Variants in PDE4D observed in about 807,000 individuals in gnomAD.
The protein encoded by PDE4D is phosphodiesterase 4D.
In PDE4D, 24 loss-of-function variants were observed where a neutral mutation model predicts 87.4. The ratio of observed to expected loss-of-function variants is 0.27; its 90% confidence interval spans 0.20 to 0.39. The LOEUF (loss-of-function observed/expected upper bound fraction) is 0.39. PDE4D is among the 10% of genes least tolerant of loss of function. The pLI is 1.00. For missense variants in PDE4D, 714 were observed against 1,041.0 expected (o/e 0.69, Z 4.32); for synonymous variants, 384 against 383.2 (o/e 1.00, Z -0.02).
intron 1 of PDE4D, among the ~76,000 whole-genome samples, chr5:59,446,726 T>C (rs374732742): frequency 5.3e-5 from 8 of 152,334 alleles, no homozygotes; most frequent in Admixed American, 4.6e-4. Flanking sequence ...ACAGGCATCA[T>C]TGAGAAAGGC....
chr5:60,376,961 C>T (rs1561184223), intron 1 of PDE4D, among the ~76,000 whole-genome samples: 1 of 152,168 alleles, frequency 6.6e-6, no homozygotes, highest in Non-Finnish European at 1.5e-5. Context: ...ATAGCAACAT[C>T]GTACGTATGC....
intron 1 of PDE4D, among the ~76,000 whole-genome samples, chr5:59,738,961 G>T (rs1006832046): frequency 1.3e-5 from 2 of 151,860 alleles, no homozygotes; most frequent in Non-Finnish European, 2.9e-5. Context: ...AAAAATAAAG[G>T]TGAACATTGA....
At chr5:59,611,457 C>T (rs974255695) in intron 1 of PDE4D, among the ~76,000 whole-genome samples, 39 of 152,236 alleles carry the variant, frequency 2.6e-4, no homozygotes, top group African/African-American at 9.4e-4. Context: ...CTCATGTTCT[C>T]TCCCCTAGCA....
At chr5:59,868,106 C>T (rs943360008) in intron 1 of PDE4D, among the ~76,000 whole-genome samples, 1 of 151,960 alleles carries the variant, frequency 6.6e-6, no homozygotes, top group Non-Finnish European at 1.5e-5. Flanking sequence ...TAAAATGGCT[C>T]GGAGAAGTGA....
intron 1 of PDE4D, among the ~76,000 whole-genome samples, chr5:59,437,607 T>C (rs914691459): frequency 6.6e-6 from 1 of 152,112 alleles, no homozygotes; most frequent in Non-Finnish European, 1.5e-5. Context: ...CTTTTTTAAA[T>C]CTATCAATTC....
intron 5 of PDE4D, among the ~76,000 whole-genome samples, chr5:59,062,104 A>G (rs17720639): frequency 0.36 from 54,003 of 151,958 alleles, 9,811 homozygotes; most frequent in Admixed American, 0.41. Flanking sequence ...TTCTTTCAAA[A>G]CCTGGAATCG....
At chr5:60,407,602 G>T (rs1401674639) in intron 1 of PDE4D, among the ~76,000 whole-genome samples, 1 of 150,960 alleles carries the variant, frequency 6.6e-6, no homozygotes, top group Non-Finnish European at 1.5e-5. Flanking sequence ...GCAGGCGCAC[G>T]GCACCACACC....
intron 1 of PDE4D, among the ~76,000 whole-genome samples, chr5:59,699,263 T>C (rs979700532): frequency 6.6e-5 from 10 of 152,262 alleles, no homozygotes; most frequent in South Asian, 4.1e-4. Context: ...GAATCAGAAA[T>C]TATGTAAATT....
At chr5:59,644,534 G>A (rs1742135770) in intron 1 of PDE4D, among the ~76,000 whole-genome samples, 2 of 152,074 alleles carry the variant, frequency 1.3e-5, no homozygotes, top group South Asian at 4.1e-4. Flanking sequence ...CCTGAATTAT[G>A]GTCCCACAGT....
At chr5:59,663,168 T>C (rs1474835800) in intron 1 of PDE4D, among the ~76,000 whole-genome samples, 1 of 148,706 alleles carries the variant, frequency 6.7e-6, no homozygotes, top group Non-Finnish European at 1.5e-5. Flanking sequence ...TTTTTCTTTG[T>C]TTTTTTTTTC....
At chr5:60,245,356 C>T (rs1400162156) in intron 1 of PDE4D, among the ~76,000 whole-genome samples, 1 of 151,850 alleles carries the variant, frequency 6.6e-6, no homozygotes, top group African/African-American at 2.4e-5. Context: ...AGTACAACCA[C>T]TGTGGAGAAC....
At chr5:60,330,519 C>A (rs1370867238) in intron 1 of PDE4D, among the ~76,000 whole-genome samples, 3 of 152,088 alleles carry the variant, frequency 2.0e-5, no homozygotes, top group Non-Finnish European at 4.4e-5. Context: ...AAAGACCAAG[C>A]CCCAGGACAG....
intron 1 of PDE4D, among the ~76,000 whole-genome samples, chr5:59,724,640 A>G (rs1214030366): frequency 1.3e-5 from 2 of 152,112 alleles, no homozygotes; most frequent in African/African-American, 2.4e-5. Flanking sequence ...TGGCTTGTCC[A>G]CAGATGTCCT....
intron 2 of PDE4D, among the ~76,000 whole-genome samples, chr5:60,053,193 T>G (rs1770391007): frequency 1.3e-5 from 2 of 152,160 alleles, no homozygotes; most frequent in East Asian, 3.9e-4. Flanking sequence ...AAAGCTACTT[T>G]AAATTTCATA....
chr5:59,072,109 A>T (rs547264979), intron 5 of PDE4D, among the ~76,000 whole-genome samples: 2 of 152,320 alleles, frequency 1.3e-5, no homozygotes, highest in African/African-American at 4.8e-5. Flanking sequence ...ACTAAAAATC[A>T]GATTGGAAGC....
chr5:59,797,579 C>A (rs1242352757), intron 1 of PDE4D, among the ~76,000 whole-genome samples: 1 of 152,162 alleles, frequency 6.6e-6, no homozygotes, highest in African/African-American at 2.4e-5. Flanking sequence ...AATATGTCTT[C>A]TAAGGCACCA....
intron 1 of PDE4D, among the ~76,000 whole-genome samples, chr5:59,491,153 G>A (rs1196215198): frequency 6.6e-6 from 1 of 152,120 alleles, no homozygotes; most frequent in African/African-American, 2.4e-5. Flanking sequence ...TTATGTATGT[G>A]ATTTTATATT....
chr5:59,845,693 C>T (rs1163112258), intron 1 of PDE4D, among the ~76,000 whole-genome samples: 1 of 152,070 alleles, frequency 6.6e-6, no homozygotes, highest in African/African-American at 2.4e-5. Context: ...ACTACTGAAG[C>T]AAATTTCATC....
intron 1 of PDE4D, among the ~76,000 whole-genome samples, chr5:59,469,672 A>G (rs1000014904): frequency 6.6e-6 from 1 of 152,206 alleles, no homozygotes; most frequent in Non-Finnish European, 1.5e-5. Context: ...CTTCCTCCAT[A>G]GGAAATGATT....
Sources: gnomAD v4.1 joint callset for allele counts (sites outside exome capture counted in the v4.1 genomes callset) on GRCh38, gnomAD v4.1.1 for gene constraint, MANE v1.5 for transcripts, NCBI Gene and HGNC (gene_info 2026-07-23, HGNC 2026-07-21) for gene names.